The following ZDHHC14 variants were observed in gnomAD, a reference collection of about 807,000 sequenced individuals.
ZDHHC14 encodes the protein zDHHC palmitoyltransferase 14.
Under a neutral mutation model 47.7 loss-of-function variants are expected in ZDHHC14, and 16 were observed. The ratio of observed to expected loss-of-function variants is 0.34; its 90% confidence interval spans 0.23 to 0.51. The LOEUF (loss-of-function observed/expected upper bound fraction) is 0.51. ZDHHC14 is among the 20% of genes least tolerant of loss of function. The pLI, the probability that ZDHHC14 is intolerant of heterozygous loss-of-function variation, is 0.97. For missense variants in ZDHHC14, 515 were observed against 662.5 expected (o/e 0.78, Z 2.44); for synonymous variants, 293 against 278.9 (o/e 1.05, Z -0.50).
intron 3 of ZDHHC14, among the ~76,000 whole-genome samples, chr6:157,620,989 C>A (rs1785166884): frequency 6.6e-6 from 1 of 152,204 alleles, no homozygotes; most frequent in Non-Finnish European, 1.5e-5. Context: ...CAGTGCCCAA[C>A]ACAAAGCAAG....
chr6:157,510,427 A>C (rs2114748385), intron 1 of ZDHHC14, among the ~76,000 whole-genome samples: 1 of 152,042 alleles, frequency 6.6e-6, no homozygotes, highest in South Asian at 2.1e-4. Context: ...TTCCATGCTC[A>C]CTGCTCCATG....
chr6:157,645,936 C>A, intron 6 of ZDHHC14, 97 bp downstream of exon 6: 1 of 1,045,292 alleles, frequency 9.6e-7, no homozygotes, highest in Non-Finnish European at 1.4e-6. Flanking sequence ...TTTTCCCATA[C>A]ATCCCGTTCC....
intron 3 of ZDHHC14, among the ~76,000 whole-genome samples, chr6:157,609,443 C>T (rs1345967662): frequency 6.6e-6 from 1 of 152,188 alleles, no homozygotes; most frequent in Non-Finnish European, 1.5e-5. Flanking sequence ...AGGATGATTG[C>T]CAGGGCACTC....
At chr6:157,550,876 T>C (rs574714762) in intron 2 of ZDHHC14, among the ~76,000 whole-genome samples, 20 of 152,334 alleles carry the variant, frequency 1.3e-4, no homozygotes, top group African/African-American at 4.6e-4. Context: ...AATGTTGACA[T>C]GCTCTGCTAA....
chr6:157,515,421 T>C (rs1359857622), intron 1 of ZDHHC14, among the ~76,000 whole-genome samples: 2 of 151,676 alleles, frequency 1.3e-5, no homozygotes, highest in Non-Finnish European at 2.9e-5. Context: ...CACAACGAAC[T>C]GGGCGCACCC....
In ZDHHC14 at chr6:157,465,105, CTTT is replaced by C. The variant is rs772080368; in HGVS notation, c.246-77459_246-77457del. Among the ~76,000 whole-genome samples the C allele has an allele frequency of 4.6e-4, 47 of 101,986 alleles. No homozygotes were observed. The East Asian group carries it at 7.8e-3, about 17-fold the overall frequency. The allele number at this position is 101,986 out of a possible 152,430, so 66.9% of individuals were successfully genotyped here. A position where few individuals can be genotyped will look rare whatever the true frequency, so the allele number is the denominator to read the frequency against. Reference sequence around the variant, plus strand: ...AGCAGCGTGTTTTTTTCTCTTTCTCCTTTTTTTTTTTTTTTTTTTTTTTACATT... The same window carrying C: ...AGCAGCGTGTTTTTTTCTCTTTCTCCTTTTTTTTTTTTTTTTTTTTACATT... On this transcript the variant is annotated intron_variant, in intron 1 of 8. Coordinates refer to ENST00000359775, the MANE Select transcript of ZDHHC14 (RefSeq NM_024630.3).
chr6:157,547,994 A>C lies in ZDHHC14; in HGVS notation c.406+5249A>C, dbSNP rs144787418. Among the ~76,000 whole-genome samples the C allele has an allele frequency of 4.8e-3, 733 of 151,860 alleles. 2 individuals carry two copies. The highest frequency in any genetic ancestry group is 0.017 in the African/African-American group (686 of 41,406). ...ATTTGGTTTCATTGATTTTTGCCTAATGAGTAGTCTACTGGCTGTGGTTGA... is the reference window on the plus strand; with the variant it reads ...ATTTGGTTTCATTGATTTTTGCCTACTGAGTAGTCTACTGGCTGTGGTTGA... On this transcript the variant is annotated intron_variant, in intron 2 of 8. Transcript: ENST00000359775.
intron 2 of ZDHHC14, among the ~76,000 whole-genome samples, chr6:157,561,193 T>G (rs1782693430): frequency 6.6e-6 from 1 of 152,100 alleles, no homozygotes; most frequent in African/African-American, 2.4e-5. Flanking sequence ...ACATTCACTC[T>G]GCTTCATTGA....
At chr6:157,458,104 G>C (rs1004546304) in intron 1 of ZDHHC14, among the ~76,000 whole-genome samples, 2 of 152,228 alleles carry the variant, frequency 1.3e-5, no homozygotes, top group Non-Finnish European at 2.9e-5. Flanking sequence ...GGTATGTGTA[G>C]AATCTGGTTA....
At chr6:157,666,763 A>G (rs1203374209) in intron 8 of ZDHHC14, among the ~76,000 whole-genome samples, 2 of 152,270 alleles carry the variant, frequency 1.3e-5, no homozygotes, top group African/African-American at 2.4e-5. Context: ...AATAAAATGT[A>G]TTCCTACATG....
At chr6:157,501,405 C>A (rs1400430643) in intron 1 of ZDHHC14, among the ~76,000 whole-genome samples, 3 of 152,148 alleles carry the variant, frequency 2.0e-5, no homozygotes, top group Admixed American at 1.3e-4. Flanking sequence ...ATTTCTTGGT[C>A]TTTTTCCAAG....
At chr6:157,668,385 A>T (rs7759534) in intron 8 of ZDHHC14, among the ~76,000 whole-genome samples, 4,336 of 152,168 alleles carry the variant, frequency 0.028, 135 homozygotes, top group African/African-American at 0.076. Context: ...TAGATTTTTT[A>T]AATTAAATGG....
At chr6:157,629,689 G>A (rs1269693243) in intron 4 of ZDHHC14, 1 of 152,186 alleles carries the variant, frequency 6.6e-6, no homozygotes, top group Non-Finnish European at 1.5e-5. Flanking sequence ...ACACAAATGT[G>A]TAATATGTGC....
At chr6:157,385,206 A>G (rs1777287942) in intron 1 of ZDHHC14, among the ~76,000 whole-genome samples, 1 of 152,098 alleles carries the variant, frequency 6.6e-6, no homozygotes, top group Non-Finnish European at 1.5e-5. Context: ...CTCCCTTCTC[A>G]GTCTCCTTAG....
chr6:157,602,792 G>A (rs905174890), intron 3 of ZDHHC14, among the ~76,000 whole-genome samples: 6 of 152,220 alleles, frequency 3.9e-5, no homozygotes, highest in Non-Finnish European at 5.9e-5. Flanking sequence ...GGAGTGCTAC[G>A]TACCCAGGCT....
At chr6:157,559,509 G>C (rs756686148) in intron 2 of ZDHHC14, among the ~76,000 whole-genome samples, 1 of 152,182 alleles carries the variant, frequency 6.6e-6, no homozygotes, top group Non-Finnish European at 1.5e-5. Flanking sequence ...GAAAGAATCC[G>C]CTCAAGCTGG....
chr6:157,433,101 C>CT (rs1364076411), intron 1 of ZDHHC14, among the ~76,000 whole-genome samples: 1 of 152,248 alleles, frequency 6.6e-6, no homozygotes, highest in East Asian at 1.9e-4. Flanking sequence ...TGTGTGGTCA[C>CT]TTTTCTTTGA....
At chr6:157,605,603 A>T (rs35546340) in intron 3 of ZDHHC14, among the ~76,000 whole-genome samples, 50,455 of 152,006 alleles carry the variant, frequency 0.33, 8,561 homozygotes, top group Admixed American at 0.4. Context: ...GCAGCCTCCC[A>T]GGCCCTGTGT....
In ZDHHC14 at chr6:157,653,587, G is replaced by T; in HGVS notation, c.1028G>T (p.Gly343Val). ...DTPQPAAPSN[G>V]ITMYGATQSQ... ...CCGCAGCCAGCAGCACCCTCCAATG[G>T]CATCACCATGTACGGGGCCACGCAG... Residue 343 changes from glycine to valine, a missense_variant, in exon 8 of 9, where the codon GGC becomes GTC. Physicochemically the swap from Gly to Val is moderately radical, Grantham distance 109. Coordinates refer to ENST00000359775, the MANE Select transcript of ZDHHC14 (RefSeq NM_024630.3). 6.2e-7 allele frequency: 1 copy of T among 1,613,920 alleles called. No homozygotes were observed. Among genetic ancestry groups the T allele is most frequent in the African/African-American group, 1.3e-5 (1 of 75,044 alleles).
Sources: gnomAD v4.1 joint callset for allele counts (sites outside exome capture counted in the v4.1 genomes callset) on GRCh38, gnomAD v4.1.1 for gene constraint, MANE v1.5 for transcripts, NCBI Gene and HGNC (gene_info 2026-07-23, HGNC 2026-07-21) for gene names.